Variants in NIT1 observed in about 807,000 individuals in gnomAD.
The protein encoded by NIT1 is deaminated glutathione amidase.
NIT1 carries 30 observed loss-of-function variants against 36.8 expected under a neutral mutation model. The observed-to-expected ratio is 0.82, with a 90% CI of 0.61 to 1.11. NIT1 has a LOEUF of 1.11. Among genes scored for constraint, NIT1 ranks in the 50% least tolerant of loss-of-function variants. The probability of loss-of-function intolerance (pLI) is 0.00; values close to 1 mark genes in which losing one functional copy is unlikely to be tolerated. For synonymous variants in NIT1, 151 were observed against 155.6 expected (o/e 0.97, Z 0.22); for missense variants, 438 against 410.6 (o/e 1.07, Z -0.58).
downstream of NIT1, chr1:161,124,585 T>A (rs1655952444): frequency 6.8e-7 from 1 of 1,460,084 alleles, no homozygotes; most frequent in Admixed American, 2.7e-5. Flanking sequence ...GTCTCATGCA[T>A]TCCCATATTC....
At chr1:161,123,822 A>T, downstream of NIT1, 1 of 1,592,586 alleles carries the variant, frequency 6.3e-7, no homozygotes, top group East Asian at 2.2e-5. Flanking sequence ...AAGCAGGGGG[A>T]GTTAATGTCT....
chr1:161,119,955 A>G lies in NIT1; in HGVS notation c.591+3A>G, dbSNP rs746201194. 4.4e-6 allele frequency: 7 copies of G among 1,607,582 alleles called. No homozygotes were observed. The highest frequency in any genetic ancestry group is 5.1e-6 in the Non-Finnish European group (6 of 1,177,040). On this transcript the variant is annotated splice_donor_region_variant and intron_variant, in intron 5 of 6. Transcript: ENST00000368009. ...CTGTCAGCACACCAGCAGGCAAGGT[A>G]GGAGTTGTGAAAGGATGAGGGAGGG...
chr1:161,118,467 A>T (rs551456324), intron 1 of NIT1: 3 of 1,536,142 alleles, frequency 2.0e-6, no homozygotes, highest in South Asian at 1.2e-5. Flanking sequence ...TCAAGGAGAG[A>T]GTCTTGGGAA....
downstream of NIT1, chr1:161,121,532 C>G (rs969297079): frequency 6.5e-6 from 1 of 153,722 alleles, no homozygotes; most frequent in Non-Finnish European, 1.4e-5. Context: ...GAGGGTTTGA[C>G]AAATGGGAAA....
At chr1:161,124,595 C>G, downstream of NIT1, 2 of 1,451,932 alleles carry the variant, frequency 1.4e-6, no homozygotes, top group Admixed American at 2.7e-5. Context: ...TTCCCATATT[C>G]CCAGTTGCTA....
chr1:161,123,026 T>C (rs1476496971), downstream of NIT1: 4 of 1,614,134 alleles, frequency 2.5e-6, no homozygotes, highest in South Asian at 2.2e-5. Context: ...CAGTTCTTTA[T>C]ATTCTCCTTC....
At chr1:161,118,509 G>T in intron 1 of NIT1, 1 of 1,536,178 alleles carries the variant, frequency 6.5e-7, no homozygotes, top group South Asian at 1.2e-5. Context: ...ATGACTTTTG[G>T]ACTGCGGAAA....
chr1:161,124,470 G>C (rs1238739809), downstream of NIT1: 1 of 1,593,538 alleles, frequency 6.3e-7, no homozygotes. Context: ...CATGCTGGGG[G>C]CTCAGGTACG....
At chr1:161,123,566 G>A (rs529290378), downstream of NIT1, among the ~76,000 whole-genome samples, 2 of 151,370 alleles carry the variant, frequency 1.3e-5, no homozygotes, top group African/African-American at 4.8e-5. Context: ...CACCTGGGAA[G>A]TGGGGCTTGC....
At position 161,120,917 on chromosome 1, in the gene NIT1, GGAAA is replaced by G; in HGVS notation, c.*157_*160del. 2 of 1,429,004 alleles carry G rather than the reference GGAAA, an allele frequency of 1.4e-6. No individual in the cohort carries two copies. Among genetic ancestry groups the G allele is most frequent in the Non-Finnish European group, 1.8e-6 (2 of 1,095,346 alleles). The allele number at this position is 1,429,004 out of a possible 1,614,324, so 88.5% of individuals were successfully genotyped here. A position where few individuals can be genotyped will look rare whatever the true frequency, so the allele number is the denominator to read the frequency against. Reference sequence around the variant, plus strand: ...TGATGGAACACAGATGGGCTGCTTGGGAAAGAAACTTTCACCTGAGCTTCACCTG... The same window carrying G: ...TGATGGAACACAGATGGGCTGCTTGGGAAACTTTCACCTGAGCTTCACCTG... On this transcript the variant is annotated 3_prime_UTR_variant, in exon 7 of 7. Transcript: ENST00000368009.
At position 161,120,786 on chromosome 1, in the gene NIT1, A is replaced by G. The variant is rs1403632326; in HGVS notation, c.*21A>G. On this transcript the variant is annotated 3_prime_UTR_variant, in exon 7 of 7. Coordinates refer to ENST00000368009, the MANE Select transcript of NIT1 (RefSeq NM_005600.3). ...CTTAAGACTTGACTTCTGTGAGTTTAGACCTGCCCCTCCCACCCCCACCCT... is the reference window on the plus strand; with the variant it reads ...CTTAAGACTTGACTTCTGTGAGTTTGGACCTGCCCCTCCCACCCCCACCCT... 1.2e-6 allele frequency: 2 copies of G among 1,604,382 alleles called. No individual in the cohort carries two copies. The highest frequency in any genetic ancestry group is 2.2e-5 in the South Asian group (2 of 90,388).
chr1:161,118,236 T>C (rs554437922), intron 1 of NIT1, 58 bp downstream of exon 1: 48 of 1,613,754 alleles, frequency 3.0e-5, no homozygotes, highest in Non-Finnish European at 3.6e-5. Context: ...GTGCTTTAAC[T>C]TGTGTAACAG....
downstream of NIT1, chr1:161,122,166 A>G (rs1441102083): frequency 3.7e-6 from 6 of 1,613,450 alleles, no homozygotes; most frequent in South Asian, 4.4e-5. The surrounding 1 kb of genome is among the most constrained non-coding windows in gnomAD (Gnocchi z 4.2). Flanking sequence ...TGCTTGCAGC[A>G]TCAAGTTCCT....
chr1:161,124,379 G>A (rs377517599), downstream of NIT1: 38 of 1,614,012 alleles, frequency 2.4e-5, no homozygotes, highest in Non-Finnish European at 3.1e-5. Flanking sequence ...TGTCAAACAT[G>A]CGGTGCAGGC....
downstream of NIT1, chr1:161,123,102 G>A: frequency 8.1e-6 from 13 of 1,614,164 alleles, no homozygotes; most frequent in Non-Finnish European, 1.0e-5. Context: ...TTGGGATCTG[G>A]TGTCACTGAC....
At chr1:161,124,344 C>T, downstream of NIT1, 1 of 1,614,252 alleles carries the variant, frequency 6.2e-7, no homozygotes, top group Admixed American at 1.7e-5. Flanking sequence ...GCGCACATCT[C>T]TGTGTGTCAG....
Position 161,120,723 on chromosome 1 carries a change from C to G in NIT1, c.942C>G (p.Arg314=). The G allele has an allele frequency of 1.2e-6, 2 of 1,613,932 alleles. No homozygotes were observed. The highest frequency in any genetic ancestry group is 2.7e-5 in the African/African-American group (2 of 75,074). The change falls in exon 7 of 7, where the codon CGC becomes CGG. Residue 314 remains arginine (R), a synonymous_variant. Transcript: ENST00000368009. Reference sequence around the variant, plus strand: ...GACACCTGCCTGTGTTCCAGCACCGCAGGCCTGACCTCTATGGCAATCTGG... The same window carrying G: ...GACACCTGCCTGTGTTCCAGCACCGGAGGCCTGACCTCTATGGCAATCTGG... The part of the protein sequence containing the change: ...LRRHLPVFQH[R]RPDLYGNLGH...
chr1:161,120,691 TTGCGCCGACACC>T lies in NIT1; in HGVS notation c.914_925del (p.Arg305_Leu308del). 1 of 1,614,024 alleles carries T rather than the reference TTGCGCCGACACC, an allele frequency of 6.2e-7. No individual in the cohort carries two copies. The highest frequency in any genetic ancestry group is 8.5e-7 in the Non-Finnish European group (1 of 1,180,034). On this transcript the variant is annotated inframe_deletion, in exon 7 of 7. Coordinates refer to ENST00000368009, the MANE Select transcript of NIT1 (RefSeq NM_005600.3). ...AATAGACCTCAACTATCTGCGACAGTTGCGCCGACACCTGCCTGTGTTCCAGCACCGCAGGCC... is the reference window on the plus strand; with the variant it reads ...AATAGACCTCAACTATCTGCGACAGTTGCCTGTGTTCCAGCACCGCAGGCC...
chr1:161,118,682 C>T, intron 1 of NIT1, 104 bp from the exon 2 acceptor site: 1 of 1,459,556 alleles, frequency 6.9e-7, no homozygotes. Context: ...TTTTTACTGG[C>T]AGGGCCCTGA....
Sources: gnomAD v4.1 joint callset for allele counts (sites outside exome capture counted in the v4.1 genomes callset) on GRCh38, gnomAD v4.1.1 for gene constraint, Gnocchi (gnomAD v3.1) non-coding constraint, MANE v1.5 for transcripts, NCBI Gene and HGNC (gene_info 2026-07-23, HGNC 2026-07-21) for gene names.